Variants in TRIQK observed in about 807,000 individuals in gnomAD.
TRIQK encodes triple QxxK/R motif containing, also known as triple QxxK/R motif-containing protein.
A neutral mutation model predicts 10.8 loss-of-function variants in TRIQK; 10 were observed. The observed-to-expected ratio is 0.92, with a 90% CI of 0.57 to 1.57. TRIQK has a LOEUF of 1.57. Ranked by LOEUF, TRIQK falls within the 40% of genes most tolerant of loss-of-function variation. The pLI is 0.00. For missense variants in TRIQK, 107 were observed against 97.7 expected, an observed-to-expected ratio of 1.09 and a Z score of -0.40; for synonymous variants, 33 against 33.7, an observed-to-expected ratio of 0.98 and a Z score of 0.07.
chr8:92,999,619 C>T (rs546601655), intron 1 of TRIQK, among the ~76,000 whole-genome samples: 13 of 152,204 alleles, frequency 8.5e-5, no homozygotes, highest in South Asian at 4.1e-4. Flanking sequence ...TTGTGGACTT[C>T]GTTAATTTAA....
intron 1 of TRIQK, among the ~76,000 whole-genome samples, chr8:92,978,297 C>G (rs1274543305): frequency 6.6e-6 from 1 of 151,964 alleles, no homozygotes; most frequent in Non-Finnish European, 1.5e-5. Context: ...ATTCATAGCC[C>G]TTATGCATTT....
At chr8:92,886,908 T>G (rs915143900) in intron 4 of TRIQK, 173 bp from the exon 5 acceptor site, 1 of 439,024 alleles carries the variant, frequency 2.3e-6, no homozygotes, top group East Asian at 3.7e-5. Flanking sequence ...TGTTTTGTAC[T>G]GGCAAGTCCC....
chr8:92,903,788 G>C (rs1467696566), intron 3 of TRIQK, among the ~76,000 whole-genome samples: 2 of 151,982 alleles, frequency 1.3e-5, no homozygotes, highest in Non-Finnish European at 2.9e-5. Flanking sequence ...ATTACGTTCA[G>C]GGTGATAACT....
At chr8:93,010,228 G>A (rs953826830) in intron 1 of TRIQK, among the ~76,000 whole-genome samples, 1 of 152,188 alleles carries the variant, frequency 6.6e-6, no homozygotes, top group South Asian at 2.1e-4. Flanking sequence ...TAACAATAAT[G>A]TATTGTATAC....
At chr8:92,901,303 G>A (rs1259450872) in intron 3 of TRIQK, among the ~76,000 whole-genome samples, 4 of 152,126 alleles carry the variant, frequency 2.6e-5, no homozygotes, top group African/African-American at 9.7e-5. Context: ...GGTGGAAAGT[G>A]AGCAGTCTTG....
intron 1 of TRIQK, among the ~76,000 whole-genome samples, chr8:93,010,912 G>T (rs1813324900): frequency 6.6e-6 from 1 of 151,974 alleles, no homozygotes; most frequent in Non-Finnish European, 1.5e-5. Flanking sequence ...CCTCTATTAT[G>T]CTATTTGAAA....
chr8:92,918,880 T>C (rs958527965), intron 2 of TRIQK, among the ~76,000 whole-genome samples: 2 of 151,934 alleles, frequency 1.3e-5, no homozygotes, highest in African/African-American at 2.4e-5. Flanking sequence ...CTTTAATCCA[T>C]TTTGAGTTGA....
At chr8:93,000,948 A>G (rs753713027) in intron 1 of TRIQK, among the ~76,000 whole-genome samples, 4 of 152,102 alleles carry the variant, frequency 2.6e-5, no homozygotes, top group Admixed American at 1.3e-4. Context: ...AATTAACACA[A>G]TGGCAAAAGT....
intron 2 of TRIQK, among the ~76,000 whole-genome samples, chr8:92,927,286 G>C (rs898100443): frequency 6.6e-6 from 1 of 152,044 alleles, no homozygotes; most frequent in Non-Finnish European, 1.5e-5. Context: ...AAAACTTTAG[G>C]ATACTATAAA....
rs188846875 is a variant in TRIQK, at chr8:92,910,206, A to T, written c.61+6723T>A. On this transcript the variant is annotated intron_variant, in intron 3 of 4. Coordinates refer to ENST00000521988, the MANE Select transcript of TRIQK (RefSeq NM_001171797.2). ...TATTTAAATTCTAGTAAGTACAATT[A>T]AAAAAATATGTGAAAGATAGGAGAA... Among the ~76,000 whole-genome samples the T allele has an allele frequency of 5.3e-4, 81 of 151,542 alleles. 2 individuals are homozygous for T. The highest frequency in any genetic ancestry group is 4.4e-3 in the Admixed American group (67 of 15,210).
chr8:92,983,086 G>C (rs1321577610), intron 1 of TRIQK, among the ~76,000 whole-genome samples: 3 of 151,926 alleles, frequency 2.0e-5, no homozygotes, highest in Non-Finnish European at 4.4e-5. Flanking sequence ...TGAAGCCATG[G>C]TAGAAATTGT....
Position 92,884,181 on chromosome 8 carries a change from C to A in TRIQK, c.*2441G>T, listed in dbSNP as rs1477676632. 6.6e-6 allele frequency: 1 copy of A among 151,768 alleles called. No homozygotes were observed. Among genetic ancestry groups the A allele is most frequent in the Non-Finnish European group, 1.5e-5 (1 of 67,852 alleles). The allele number at this position is 151,768 out of a possible 1,614,324, so 9.4% of individuals were successfully genotyped here. A position where few individuals can be genotyped will look rare whatever the true frequency, so the allele number is the denominator to read the frequency against. ...TAAAATTTGTGTCTGGTGCCAGTCT[C>A]AGATTTCTGCCAAACACCAGTAGGT... is the stretch of plus-strand genomic sequence containing the variant. On this transcript the variant is annotated 3_prime_UTR_variant, in exon 5 of 5. Coordinates refer to ENST00000521988, the MANE Select transcript of TRIQK (RefSeq NM_001171797.2).
intron 3 of TRIQK, among the ~76,000 whole-genome samples, chr8:92,915,123 A>T (rs1396962036): frequency 2.0e-5 from 3 of 152,192 alleles, no homozygotes; most frequent in Non-Finnish European, 4.4e-5. Context: ...AAAATACTGC[A>T]TGATCTCTCT....
At chr8:92,979,007 C>T (rs1343583262) in intron 1 of TRIQK, among the ~76,000 whole-genome samples, 1 of 152,100 alleles carries the variant, frequency 6.6e-6, no homozygotes, top group Non-Finnish European at 1.5e-5. Flanking sequence ...CAATGATTTT[C>T]TCATGTCAAA....
At chr8:92,991,405 A>G (rs977117212) in intron 1 of TRIQK, among the ~76,000 whole-genome samples, 1 of 152,216 alleles carries the variant, frequency 6.6e-6, no homozygotes, top group Admixed American at 6.5e-5. Flanking sequence ...GAGCTCTGCT[A>G]AGGGACAGAC....
chr8:93,011,185 C>CAG (rs1408526152), intron 1 of TRIQK, among the ~76,000 whole-genome samples: 1 of 106,412 alleles, frequency 9.4e-6, no homozygotes, highest in Non-Finnish European at 2.0e-5. Context: ...TACATACACA[C>CAG]ACACACACAC....
intron 3 of TRIQK, among the ~76,000 whole-genome samples, chr8:92,915,133 T>C (rs1809759477): frequency 6.6e-6 from 1 of 152,170 alleles, no homozygotes; most frequent in Non-Finnish European, 1.5e-5. Flanking sequence ...ATGATCTCTC[T>C]TATCTTTTCA....
At chr8:92,912,061 C>G (rs1471531546) in intron 3 of TRIQK, among the ~76,000 whole-genome samples, 1 of 151,176 alleles carries the variant, frequency 6.6e-6, no homozygotes, top group African/African-American at 2.4e-5. Context: ...TTAAACAATA[C>G]TACAGAACAA....
chr8:92,942,082 G>C (rs574749775), intron 2 of TRIQK, among the ~76,000 whole-genome samples: 1 of 150,990 alleles, frequency 6.6e-6, no homozygotes, highest in African/African-American at 2.4e-5. Flanking sequence ...CTATGAGGCC[G>C]TAATTACTCT....
Sources: allele counts gnomAD v4.1 joint callset (sites outside exome capture counted in the v4.1 genomes callset), GRCh38; gene constraint gnomAD v4.1.1; transcripts MANE v1.5; gene names NCBI Gene and HGNC (gene_info 2026-07-23, HGNC 2026-07-21).